HRH1: variants seen among roughly 807,000 people sequenced by gnomAD.
HRH1 encodes histamine H1 receptor.
HRH1 carries 6 observed loss-of-function variants against 10.3 expected under a neutral mutation model. The ratio of observed to expected loss-of-function variants is 0.58; its 90% CI spans 0.32 to 1.15. The LOEUF is 1.15. Ranked by LOEUF, HRH1 falls within the 50% of genes most tolerant of loss-of-function variation. The probability of loss-of-function intolerance (pLI) is 0.05; values close to 1 mark genes in which losing one functional copy is unlikely to be tolerated. For missense variants in HRH1, 514 were observed against 615.3 expected (o/e 0.84, Z 1.74); for synonymous variants, 242 against 236.7 (o/e 1.02, Z -0.21).
chr3:11,202,442 T>A lies in HRH1; in HGVS notation c.-36+47888T>A, dbSNP rs113605996. On this transcript the variant is annotated intron_variant, in intron 1 of 1. Coordinates refer to ENST00000431010, the MANE Select transcript of HRH1 (RefSeq NM_001098212.2). ...AATAAATAAATAAATAAATAATTAA[T>A]TAAAAATAAAGGGAACCTTTGTTTG... Among the ~76,000 whole-genome samples the A allele has an allele frequency of 6.9e-3, 332 of 47,838 alleles. 2 individuals carry two copies. Among genetic ancestry groups the A allele is most frequent in the African/African-American group, 0.013 (125 of 9,362 alleles). 31.4% of individuals were successfully genotyped at this position (47,838 alleles called of 152,430 possible).
At chr3:11,234,306 C>T in intron 1 of HRH1, 2 of 1,576,732 alleles carry the variant, frequency 1.3e-6, no homozygotes, top group Non-Finnish European at 1.7e-6. Context: ...GGAGCTGTTT[C>T]TTCTGCTTGT....
chr3:11,218,823 G>A (rs534512402), intron 1 of HRH1, among the ~76,000 whole-genome samples: 56 of 152,044 alleles, frequency 3.7e-4, no homozygotes, highest in Admixed American at 1.2e-3. Flanking sequence ...TGATCTGCCC[G>A]CCTCGGCCTC....
At chr3:11,251,553 A>G (rs1235156631) in intron 1 of HRH1, among the ~76,000 whole-genome samples, 1 of 152,146 alleles carries the variant, frequency 6.6e-6, no homozygotes, top group Admixed American at 6.5e-5. Context: ...TTATTACTTG[A>G]GAAGAACCAT....
intron 1 of HRH1, among the ~76,000 whole-genome samples, chr3:11,182,249 T>C (rs2125017585): frequency 6.6e-6 from 1 of 152,310 alleles, no homozygotes; most frequent in African/African-American, 2.4e-5. Flanking sequence ...CCCAAAGTGC[T>C]GGGATTACAA....
At chr3:11,148,947 C>T (rs1019684746) in intron 1 of HRH1, among the ~76,000 whole-genome samples, 3 of 149,206 alleles carry the variant, frequency 2.0e-5, no homozygotes, top group Non-Finnish European at 4.4e-5. Flanking sequence ...ACTGGAATAT[C>T]TTGAGGGCAG....
intron 1 of HRH1, among the ~76,000 whole-genome samples, chr3:11,237,080 A>G (rs1029251193): frequency 1.3e-5 from 2 of 152,226 alleles, no homozygotes; most frequent in Non-Finnish European, 2.9e-5. Flanking sequence ...AAATGAACAC[A>G]TTATTCATCC....
chr3:11,193,714 G>A (rs1389637413), intron 1 of HRH1, among the ~76,000 whole-genome samples: 1 of 152,098 alleles, frequency 6.6e-6, no homozygotes, highest in Admixed American at 6.6e-5. Flanking sequence ...TTGAGTAAAT[G>A]GTGACAGTCA....
At chr3:11,213,048 C>T (rs1253518208) in intron 1 of HRH1, among the ~76,000 whole-genome samples, 1 of 152,176 alleles carries the variant, frequency 6.6e-6, no homozygotes, top group Non-Finnish European at 1.5e-5. Flanking sequence ...ACCTTGACCA[C>T]CCTATATAAA....
intron 1 of HRH1, among the ~76,000 whole-genome samples, chr3:11,243,396 C>T (rs1296242616): frequency 6.6e-6 from 1 of 152,160 alleles, no homozygotes; most frequent in African/African-American, 2.4e-5. Context: ...TCCTCCATGC[C>T]CTGGAGTTGC....
chr3:11,236,910 C>T (rs767967160), intron 1 of HRH1, among the ~76,000 whole-genome samples: 43 of 152,208 alleles, frequency 2.8e-4, no homozygotes, highest in Middle Eastern at 3.2e-3. Context: ...GGAGCTCTCT[C>T]TTATAAATGC....
At chr3:11,175,947 C>T (rs1395834222) in intron 1 of HRH1, among the ~76,000 whole-genome samples, 2 of 151,820 alleles carry the variant, frequency 1.3e-5, no homozygotes, top group African/African-American at 4.8e-5. Flanking sequence ...TTGTCTGAGC[C>T]CAGGAGTTCT....
chr3:11,141,090 G>A (rs1162647751), intron 1 of HRH1, among the ~76,000 whole-genome samples: 1 of 152,084 alleles, frequency 6.6e-6, no homozygotes, highest in Admixed American at 6.5e-5. Context: ...TGGGATCCCA[G>A]GGCCATATTT....
intron 1 of HRH1, among the ~76,000 whole-genome samples, chr3:11,247,027 A>T (rs1189790436): frequency 1.3e-5 from 2 of 152,192 alleles, no homozygotes; most frequent in Non-Finnish European, 2.9e-5. Flanking sequence ...CATAATTTTT[A>T]AAAAATGTTT....
chr3:11,174,871 G>T (rs1321469243), intron 1 of HRH1, among the ~76,000 whole-genome samples: 2 of 152,162 alleles, frequency 1.3e-5, no homozygotes. Context: ...GTGGGGTCTG[G>T]GTAGCTGTTG....
intron 1 of HRH1, among the ~76,000 whole-genome samples, chr3:11,139,984 A>C (rs1397836373): frequency 6.6e-6 from 1 of 152,222 alleles, no homozygotes; most frequent in Non-Finnish European, 1.5e-5. Context: ...ATGTTATGTG[A>C]ATTTTAGCTC....
At chr3:11,219,729 A>AG (rs1938637784) in intron 1 of HRH1, among the ~76,000 whole-genome samples, 2 of 151,254 alleles carry the variant, frequency 1.3e-5, no homozygotes, top group Admixed American at 1.3e-4. Context: ...AAAAAAAAAA[A>AG]AAAAAGGAAA....
intron 1 of HRH1, among the ~76,000 whole-genome samples, chr3:11,258,571 G>A (rs911184156): frequency 6.6e-6 from 1 of 152,176 alleles, no homozygotes; most frequent in Non-Finnish European, 1.5e-5. Context: ...CCTTGGCCAT[G>A]GTGGTATCTC....
At chr3:11,221,022 C>G (rs1316585565) in intron 1 of HRH1, among the ~76,000 whole-genome samples, 1 of 152,112 alleles carries the variant, frequency 6.6e-6, no homozygotes, top group Non-Finnish European at 1.5e-5. Context: ...TCACTACCCC[C>G]AAAGTATCTG....
chr3:11,193,602 CT>C (rs2125022628), intron 1 of HRH1, among the ~76,000 whole-genome samples: 1 of 152,208 alleles, frequency 6.6e-6, no homozygotes, highest in South Asian at 2.1e-4. Context: ...TCCATTCAGG[CT>C]GCTATAACGA....
Sources: gnomAD v4.1 joint callset for allele counts (sites outside exome capture counted in the v4.1 genomes callset) on GRCh38, gnomAD v4.1.1 for gene constraint, MANE v1.5 for transcripts, NCBI Gene and HGNC (gene_info 2026-07-23, HGNC 2026-07-21) for gene names.